The following PARD3B variants were observed in gnomAD, a reference collection of about 807,000 sequenced individuals.
PARD3B encodes partitioning defective 3 homolog B.
PARD3B carries 103 observed loss-of-function variants against 130.2 expected under a neutral mutation model. The observed-to-expected ratio is 0.79, with a 90% CI of 0.67 to 0.93. The LOEUF (loss-of-function observed/expected upper bound fraction) is 0.93, where lower values mean the gene tolerates loss of function less well. Among genes scored for constraint, PARD3B ranks in the 40% least tolerant of loss-of-function variants. The pLI, the probability that PARD3B is intolerant of heterozygous loss-of-function variation, is 0.00. For synonymous variants in PARD3B, 583 were observed against 553.2 expected, an observed-to-expected ratio of 1.05 and a Z score of -0.76; for missense variants, 1,609 against 1,499.2, an observed-to-expected ratio of 1.07 and a Z score of -1.21.
intron 2 of PARD3B, among the ~76,000 whole-genome samples, chr2:204,830,832 AG>A (rs2043791937): frequency 6.6e-6 from 1 of 152,214 alleles, no homozygotes; most frequent in Non-Finnish European, 1.5e-5. Context: ...ATTTAGCCCA[AG>A]GGAGGAGAAC....
At chr2:205,266,769 T>G (rs2040520764) in intron 16 of PARD3B, among the ~76,000 whole-genome samples, 1 of 152,184 alleles carries the variant, frequency 6.6e-6, no homozygotes, top group Non-Finnish European at 1.5e-5. Flanking sequence ...ATATTTGGTC[T>G]CTGATTCAAC....
chr2:205,036,439 T>C (rs569911878), intron 3 of PARD3B, among the ~76,000 whole-genome samples: 52 of 147,456 alleles, frequency 3.5e-4, no homozygotes, highest in Admixed American at 2.5e-3. Context: ...ATGTATATAG[T>C]GGACTATATA....
At chr2:204,657,917 C>T (rs1244233751) in intron 1 of PARD3B, among the ~76,000 whole-genome samples, 1 of 152,070 alleles carries the variant, frequency 6.6e-6, no homozygotes. Flanking sequence ...AATATGTATA[C>T]ACATTTGATC....
At chr2:204,567,169 T>A (rs1221343189) in intron 1 of PARD3B, among the ~76,000 whole-genome samples, 2 of 152,198 alleles carry the variant, frequency 1.3e-5, no homozygotes, top group Non-Finnish European at 2.9e-5. Flanking sequence ...CTTGAGCCAC[T>A]GTGCCCAGGC....
At chr2:205,398,877 A>G (rs539882645) in intron 18 of PARD3B, among the ~76,000 whole-genome samples, 1 of 152,216 alleles carries the variant, frequency 6.6e-6, no homozygotes, top group South Asian at 2.1e-4. Flanking sequence ...TTCAAAATTT[A>G]TATGTCAGGT....
chr2:204,976,932 G>A (rs1692225366), intron 3 of PARD3B, among the ~76,000 whole-genome samples: 1 of 151,914 alleles, frequency 6.6e-6, no homozygotes, highest in Admixed American at 6.6e-5. Context: ...ATTTTGATCT[G>A]GTCTTTTGTT....
At chr2:204,885,714 A>G (rs2046248510) in intron 2 of PARD3B, among the ~76,000 whole-genome samples, 1 of 152,190 alleles carries the variant, frequency 6.6e-6, no homozygotes, top group South Asian at 2.1e-4. Context: ...TAGTTATTAT[A>G]CAGAATATAT....
At chr2:205,118,592 T>C (rs963707476) in intron 6 of PARD3B, among the ~76,000 whole-genome samples, 2 of 152,242 alleles carry the variant, frequency 1.3e-5, no homozygotes, top group Non-Finnish European at 2.9e-5. Context: ...AGACTTACTA[T>C]AGTCAGGTGT....
At chr2:205,178,348 G>T (rs1020080914) in intron 13 of PARD3B, among the ~76,000 whole-genome samples, 3 of 151,964 alleles carry the variant, frequency 2.0e-5, no homozygotes, top group Non-Finnish European at 4.4e-5. Context: ...AGCTACTCGG[G>T]AGGCTGAGGC....
intron 18 of PARD3B, among the ~76,000 whole-genome samples, chr2:205,326,541 C>T (rs1390691718): frequency 6.6e-6 from 1 of 152,120 alleles, no homozygotes; most frequent in East Asian, 1.9e-4. Flanking sequence ...AGTTATTCAA[C>T]AGTTATCATC....
At chr2:204,949,850 C>T (rs567729913) in intron 2 of PARD3B, among the ~76,000 whole-genome samples, 106 of 152,112 alleles carry the variant, frequency 7.0e-4, no homozygotes, top group Middle Eastern at 3.4e-3. Flanking sequence ...GTTGCTTGGT[C>T]TCTTAAAGTT....
intron 2 of PARD3B, among the ~76,000 whole-genome samples, chr2:204,702,641 C>G (rs1418490273): frequency 6.6e-6 from 1 of 152,100 alleles, no homozygotes; most frequent in Non-Finnish European, 1.5e-5. Flanking sequence ...GTGGCAGGAT[C>G]TCGGCTCATT....
intron 3 of PARD3B, among the ~76,000 whole-genome samples, chr2:204,974,779 G>A (rs910575810): frequency 6.6e-6 from 1 of 152,152 alleles, no homozygotes; most frequent in East Asian, 1.9e-4. Context: ...TGGTCTTAAC[G>A]ATACAGTTAT....
intron 2 of PARD3B, among the ~76,000 whole-genome samples, chr2:204,797,776 A>C (rs2042426673): frequency 6.6e-6 from 1 of 152,182 alleles, no homozygotes; most frequent in African/African-American, 2.4e-5. Context: ...ACAACAGAAG[A>C]CTTTTTTTGG....
chr2:205,491,954 T>C (rs1347172096), intron 20 of PARD3B, among the ~76,000 whole-genome samples: 1 of 152,156 alleles, frequency 6.6e-6, no homozygotes, highest in African/African-American at 2.4e-5. Context: ...TGAGCTGATG[T>C]ATTATTGTGA....
chr2:205,061,047 A>G (rs1057462988), intron 4 of PARD3B, among the ~76,000 whole-genome samples: 2 of 152,144 alleles, frequency 1.3e-5, no homozygotes, highest in African/African-American at 4.8e-5. Flanking sequence ...TATCTCCATA[A>G]TACTCCCTTT....
intron 15 of PARD3B, among the ~76,000 whole-genome samples, chr2:205,222,679 TGGTTTAATG>T: frequency 6.6e-6 from 1 of 152,232 alleles, no homozygotes; most frequent in African/African-American, 2.4e-5. Flanking sequence ...CTTTTATTGA[TGGTTTAATG>T]AATATCAATT....
chr2:204,761,824 A>G (rs917189261), intron 2 of PARD3B, among the ~76,000 whole-genome samples: 2 of 152,116 alleles, frequency 1.3e-5, no homozygotes, highest in Non-Finnish European at 2.9e-5. Flanking sequence ...GTAAATAGTT[A>G]TAAGCCTTGT....
At chr2:205,009,990 GT>G (rs553246606) in intron 3 of PARD3B, among the ~76,000 whole-genome samples, 129 of 152,142 alleles carry the variant, frequency 8.5e-4, no homozygotes, top group African/African-American at 2.9e-3. Context: ...GATATTATTT[GT>G]TTTCATTTTA....
Sources: gnomAD v4.1 joint callset for allele counts (sites outside exome capture counted in the v4.1 genomes callset) on GRCh38, gnomAD v4.1.1 for gene constraint, MANE v1.5 for transcripts, NCBI Gene and HGNC (gene_info 2026-07-23, HGNC 2026-07-21) for gene names.